Variants in PDE1C observed in about 807,000 individuals in gnomAD.
The protein encoded by PDE1C is dual specificity calcium/calmodulin-dependent 3',5'-cyclic nucleotide phosphodiesterase 1C.
In PDE1C, 62 loss-of-function variants were observed where a neutral mutation model predicts 93.1. That is an observed-to-expected ratio of 0.67 (90% CI 0.54 to 0.82). PDE1C has a LOEUF of 0.82. PDE1C is among the 40% of genes least tolerant of loss of function. PDE1C has a pLI of 0.00. For synonymous variants in PDE1C, 325 were observed against 310.1 expected (o/e 1.05, Z -0.50); for missense variants, 742 against 884.6 (o/e 0.84, Z 2.04).
At position 32,096,820 on chromosome 7, in the gene PDE1C, A is replaced by AAGATAGATAGATAGATAGAT. The variant is rs70989634; in HGVS notation, c.308+72945_308+72964dup. 8.7e-3 allele frequency among the ~76,000 whole-genome samples: 1,257 copies of AAGATAGATAGATAGATAGAT among 144,560 alleles called. 6 individuals carry two copies. The highest frequency in any genetic ancestry group is 0.027 in the East Asian group (130 of 4,836). The allele number at this position is 144,560 out of a possible 152,430, so 94.8% of individuals were successfully genotyped here. A position where few individuals can be genotyped will look rare whatever the true frequency, so the allele number is the denominator to read the frequency against. Reference sequence around the variant, plus strand: ...AGAATCAGAACCAGTAGGGGATAGAAAGATAGATAGATAGATAGATAGATA... The same window carrying AAGATAGATAGATAGATAGAT: ...AGAATCAGAACCAGTAGGGGATAGAAAGATAGATAGATAGATAGATAGATAGATAGATAGATAGATAGATA... On this transcript the variant is annotated intron_variant, in intron 3 of 18. Transcript: ENST00000396193.
intron 1 of PDE1C, among the ~76,000 whole-genome samples, chr7:32,324,807 G>A (rs1327770223): frequency 1.3e-5 from 2 of 152,074 alleles, no homozygotes; most frequent in East Asian, 3.9e-4. Context: ...AAATTAGCTG[G>A]GTGCAGTGGT....
intron 9 of PDE1C, among the ~76,000 whole-genome samples, chr7:31,847,216 C>T (rs1450784783): frequency 6.6e-6 from 1 of 151,192 alleles, no homozygotes; most frequent in Non-Finnish European, 1.5e-5. Context: ...ATCCCAACTG[C>T]AGAATAAATG....
upstream of PDE1C, among the ~76,000 whole-genome samples, chr7:32,074,504 A>G (rs1291540316): frequency 6.6e-6 from 1 of 152,206 alleles, no homozygotes; most frequent in Non-Finnish European, 1.5e-5. Flanking sequence ...CAGCTAATAC[A>G]TGGCACAGCA....
exon 1 of PDE1C, chr7:32,298,762 G>C: frequency 6.4e-7 from 1 of 1,569,366 alleles, no homozygotes. Context: ...CAGGGGCCTC[G>C]CAGCGAGACC....
At chr7:31,631,023 A>G in the PDE1C span, among the ~76,000 whole-genome samples, 1 of 152,214 alleles carries the variant, frequency 6.6e-6, no homozygotes, top group African/African-American at 2.4e-5. Flanking sequence ...TATTAACTCA[A>G]GAAGTAGGTA....
the PDE1C span, among the ~76,000 whole-genome samples, chr7:31,681,962 T>C: frequency 1.3e-5 from 2 of 152,208 alleles, no homozygotes; most frequent in Non-Finnish European, 2.9e-5. Context: ...GTATGTATTC[T>C]CTCACTCTCA....
chr7:32,312,219 A>G (rs1783061920), intron 1 of PDE1C, among the ~76,000 whole-genome samples: 1 of 152,248 alleles, frequency 6.6e-6, no homozygotes, highest in Non-Finnish European at 1.5e-5. Flanking sequence ...GACCTCTTCA[A>G]CAAGAACTAC....
chr7:32,018,127 T>C (rs1038530194), intron 2 of PDE1C, among the ~76,000 whole-genome samples: 1 of 151,250 alleles, frequency 6.6e-6, no homozygotes, highest in African/African-American at 2.4e-5. Flanking sequence ...CTTCACATCA[T>C]CTAGGATGGC....
At chr7:31,778,736 G>A (rs538310189) in intron 16 of PDE1C, among the ~76,000 whole-genome samples, 3 of 152,198 alleles carry the variant, frequency 2.0e-5, no homozygotes, top group South Asian at 2.1e-4. Context: ...GCCATATTAC[G>A]TAGGCACCGT....
At chr7:31,650,452 A>C in the PDE1C span, among the ~76,000 whole-genome samples, 3 of 152,188 alleles carry the variant, frequency 2.0e-5, no homozygotes, top group Admixed American at 2.0e-4. Flanking sequence ...AGGCAAAGGC[A>C]CAGCCTGAGA....
chr7:32,094,145 C>CT (rs1375512750), intron 3 of PDE1C, among the ~76,000 whole-genome samples: 2 of 152,168 alleles, frequency 1.3e-5, no homozygotes, highest in Non-Finnish European at 2.9e-5. Context: ...GGAAGAAACT[C>CT]TTATTTGTAG....
intron 16 of PDE1C, among the ~76,000 whole-genome samples, chr7:31,794,887 C>T (rs1453032512): frequency 1.3e-5 from 2 of 151,984 alleles, no homozygotes; most frequent in Non-Finnish European, 2.9e-5. Context: ...ATTCTGACTA[C>T]TCTTCATGTT....
chr7:31,777,479 C>G (rs746576208), intron 16 of PDE1C, among the ~76,000 whole-genome samples: 1 of 152,140 alleles, frequency 6.6e-6, no homozygotes. Context: ...CAGGCATCCA[C>G]CACCATGCCT....
At chr7:32,077,522 A>G (rs896699441) in intron 3 of PDE1C, among the ~76,000 whole-genome samples, 1 of 152,178 alleles carries the variant, frequency 6.6e-6, no homozygotes, top group Non-Finnish European at 1.5e-5. Context: ...ATCCCTCAGA[A>G]CAAACCTGAA....
At chr7:32,418,472 T>C (rs1484962770) in intron 1 of PDE1C, among the ~76,000 whole-genome samples, 1 of 152,216 alleles carries the variant, frequency 6.6e-6, no homozygotes, top group Non-Finnish European at 1.5e-5. Flanking sequence ...ACGTCTATTG[T>C]TCCTATGAAA....
At chr7:32,074,917 T>C (rs1409899732), upstream of PDE1C, among the ~76,000 whole-genome samples, 1 of 152,230 alleles carries the variant, frequency 6.6e-6, no homozygotes, top group Non-Finnish European at 1.5e-5. Context: ...AGCCATTCTC[T>C]TGTTGTCATG....
At chr7:31,999,458 A>G (rs1785172653) in intron 2 of PDE1C, among the ~76,000 whole-genome samples, 2 of 152,172 alleles carry the variant, frequency 1.3e-5, no homozygotes, top group Admixed American at 1.3e-4. Flanking sequence ...GGAACTGTGC[A>G]AAACCATGCT....
intron 7 of PDE1C, among the ~76,000 whole-genome samples, chr7:31,861,611 T>G (rs1027498585): frequency 6.6e-6 from 1 of 152,102 alleles, no homozygotes; most frequent in Non-Finnish European, 1.5e-5. Flanking sequence ...GAATCTAAGA[T>G]GTATTCTCGA....
chr7:31,941,956 G>A (rs1262546866), intron 2 of PDE1C, among the ~76,000 whole-genome samples: 1 of 152,132 alleles, frequency 6.6e-6, no homozygotes, highest in African/African-American at 2.4e-5. Flanking sequence ...ATACTGTAGG[G>A]ATATTTTTAA....
Sources: gnomAD v4.1 joint callset for allele counts (sites outside exome capture counted in the v4.1 genomes callset) on GRCh38, gnomAD v4.1.1 for gene constraint, MANE v1.5 for transcripts, NCBI Gene and HGNC (gene_info 2026-07-23, HGNC 2026-07-21) for gene names.